Variants in GRM7 observed in about 807,000 individuals in gnomAD.
GRM7 encodes metabotropic glutamate receptor 7.
In GRM7, 35 loss-of-function variants were observed where a neutral mutation model predicts 84.5. The ratio of observed to expected loss-of-function variants is 0.41; its 90% CI spans 0.32 to 0.55. GRM7 has a LOEUF of 0.55. GRM7 is among the 20% of genes least tolerant of loss of function. The pLI is 0.19. For synonymous variants in GRM7, 487 were observed against 455.1 expected, an observed-to-expected ratio of 1.07 and a Z score of -0.89; for missense variants, 1,003 against 1,194.6, an observed-to-expected ratio of 0.84 and a Z score of 2.36.
Position 7,151,776 on chromosome 3 carries a change from C to G in GRM7, c.736+5108C>G, listed in dbSNP as rs1694295745. 6.6e-6 allele frequency among the ~76,000 whole-genome samples: 1 copy of G among 152,100 alleles called. No homozygotes were observed. The highest frequency in any genetic ancestry group is 6.6e-5 in the Admixed American group (1 of 15,260). On this transcript the variant is annotated intron_variant, in intron 2 of 9. Coordinates refer to ENST00000357716, the MANE Select transcript of GRM7 (RefSeq NM_000844.4). This position sits in a 1 kb window ranked among gnomAD's most constrained non-coding sequence, Gnocchi z 4.5. The stretch of plus-strand genomic sequence containing the variant: ...GGCCATAAAATACTACATCCTAGAT[C>G]TGCTTGCTGTGGTTTAGTACAGTTG...
At chr3:7,611,704 T>C (rs898112564) in intron 8 of GRM7, among the ~76,000 whole-genome samples, 7 of 152,008 alleles carry the variant, frequency 4.6e-5, no homozygotes, top group African/African-American at 1.7e-4. Flanking sequence ...ACTGGGAGCA[T>C]TGTAGAAATG....
chr3:7,118,212 C>T (rs1336654016), intron 1 of GRM7, among the ~76,000 whole-genome samples: 1 of 151,640 alleles, frequency 6.6e-6, no homozygotes, highest in Non-Finnish European at 1.5e-5. Context: ...ATAGTGAGAC[C>T]CTGTCTCTAC....
At chr3:7,037,331 A>C (rs918106631) in intron 1 of GRM7, among the ~76,000 whole-genome samples, 14 of 152,200 alleles carry the variant, frequency 9.2e-5, no homozygotes, top group Non-Finnish European at 1.5e-4. Context: ...CAAAGTTAGG[A>C]AAGAATCAGG....
At chr3:7,584,094 C>A (rs1037245655) in intron 8 of GRM7, among the ~76,000 whole-genome samples, 1 of 152,114 alleles carries the variant, frequency 6.6e-6, no homozygotes, top group Non-Finnish European at 1.5e-5. Flanking sequence ...AGTGGCATGA[C>A]AATGTAGTAA....
At chr3:7,320,613 C>T (rs1231743477) in intron 4 of GRM7, among the ~76,000 whole-genome samples, 1 of 151,078 alleles carries the variant, frequency 6.6e-6, no homozygotes, top group Non-Finnish European at 1.5e-5. Flanking sequence ...CCTGCTTCTT[C>T]TGTTTCCTCA....
chr3:6,928,481 ATAT>A lies in GRM7; in HGVS notation c.519+66579_519+66581del, dbSNP rs1222582501. 6.6e-6 allele frequency among the ~76,000 whole-genome samples: 1 copy of A among 152,298 alleles called. No individual in the cohort carries two copies. Among genetic ancestry groups the A allele is most frequent in the East Asian group, 1.9e-4 (1 of 5,180 alleles). The stretch of plus-strand genomic sequence containing the variant: ...GTGAAAGTCATTATGCAAATGATAA[ATAT>A]TATTTATTATTAAGTATAATTAATA... On this transcript the variant is annotated intron_variant, in intron 1 of 9. Coordinates refer to ENST00000357716, the MANE Select transcript of GRM7 (RefSeq NM_000844.4). This position sits in a 1 kb window ranked among gnomAD's most constrained non-coding sequence, Gnocchi z 4.5.
Position 7,572,492 on chromosome 3 carries a change from A to G in GRM7, c.1516-5930A>G, listed in dbSNP as rs116322479. On this transcript the variant is annotated intron_variant, in intron 7 of 9. Transcript: ENST00000357716. ...GTGAAATACAGTTCTGGATCCTTCT[A>G]TGGATGCCCAGGGTCTACTGCAGTT... Among the ~76,000 whole-genome samples the G allele has an allele frequency of 4.1e-3, 625 of 152,028 alleles. 5 individuals carry two copies. The highest frequency in any genetic ancestry group is 0.014 in the African/African-American group (598 of 41,456).
In GRM7 at chr3:7,485,504, C is replaced by G. The variant is rs373206152; in HGVS notation, c.1515+23782C>G. On this transcript the variant is annotated intron_variant, in intron 7 of 9. Coordinates refer to ENST00000357716, the MANE Select transcript of GRM7 (RefSeq NM_000844.4). ...TGGGAGATAGATCTGTTGATAATAG[C>G]TTTATTCTGTCATTCACGTTATACA... 1.2e-4 allele frequency among the ~76,000 whole-genome samples: 19 copies of G among 152,294 alleles called. No homozygotes were observed. In the East Asian group the frequency reaches 2.3e-3, roughly 19 times the overall value.
intron 1 of GRM7, among the ~76,000 whole-genome samples, chr3:6,914,220 T>A (rs913172919): frequency 6.6e-6 from 1 of 152,218 alleles, no homozygotes; most frequent in Non-Finnish European, 1.5e-5. Flanking sequence ...AGTAGGTTCA[T>A]AAGTTGCTTC....
intron 1 of GRM7, among the ~76,000 whole-genome samples, chr3:7,041,150 A>G (rs1333454479): frequency 6.6e-6 from 1 of 152,044 alleles, no homozygotes; most frequent in Non-Finnish European, 1.5e-5. Context: ...TATCAAGTCC[A>G]CATAAAATTA....
chr3:7,417,809 T>C (rs917265659), intron 5 of GRM7, among the ~76,000 whole-genome samples: 7 of 152,088 alleles, frequency 4.6e-5, no homozygotes, highest in Admixed American at 4.6e-4. Flanking sequence ...TCCTTAGCCA[T>C]ACTAAACAAT....
chr3:6,891,097 C>G (rs1452112633), intron 1 of GRM7, among the ~76,000 whole-genome samples: 1 of 152,166 alleles, frequency 6.6e-6, no homozygotes, highest in African/African-American at 2.4e-5. Context: ...AGATCTTCCT[C>G]CATCCTTTTA....
intron 1 of GRM7, among the ~76,000 whole-genome samples, chr3:7,052,382 T>A (rs1697040077): frequency 6.6e-6 from 1 of 151,726 alleles, no homozygotes; most frequent in African/African-American, 2.4e-5. Flanking sequence ...TTTTTTCTTC[T>A]GTTTTTGTTA....
intron 2 of GRM7, among the ~76,000 whole-genome samples, chr3:7,182,542 G>A (rs1559489369): frequency 6.6e-6 from 1 of 152,138 alleles, no homozygotes; most frequent in Admixed American, 6.6e-5. Flanking sequence ...AGTAAATCTA[G>A]CAGTTTATGT....
At chr3:7,261,128 T>A (rs538428773) in intron 2 of GRM7, among the ~76,000 whole-genome samples, 1 of 152,240 alleles carries the variant, frequency 6.6e-6, no homozygotes, top group South Asian at 2.1e-4. Context: ...TTTCCCAGCT[T>A]CCAGGGTGTC....
At chr3:7,527,297 G>A (rs531841450) in intron 7 of GRM7, among the ~76,000 whole-genome samples, 1 of 151,968 alleles carries the variant, frequency 6.6e-6, no homozygotes, top group Non-Finnish European at 1.5e-5. Context: ...TTGTAAATGG[G>A]ATTATATTCT....
At chr3:7,371,049 A>AT (rs899020116) in intron 4 of GRM7, among the ~76,000 whole-genome samples, 2 of 152,092 alleles carry the variant, frequency 1.3e-5, no homozygotes, top group African/African-American at 4.8e-5. Flanking sequence ...TATTTTCAGT[A>AT]TTTTTTCTTT....
intron 9 of GRM7, among the ~76,000 whole-genome samples, chr3:7,723,866 T>TA (rs746311464): frequency 1.3e-5 from 2 of 151,994 alleles, no homozygotes; most frequent in Non-Finnish European, 1.5e-5. Context: ...ATTTTTTTAA[T>TA]AAAAAATAAG....
intron 7 of GRM7, among the ~76,000 whole-genome samples, chr3:7,501,191 A>G (rs1699871258): frequency 6.6e-6 from 1 of 152,230 alleles, no homozygotes; most frequent in South Asian, 2.1e-4. Context: ...ACAAGCCCAT[A>G]AAGTAGATAA....
Sources: gnomAD v4.1 joint callset for allele counts (sites outside exome capture counted in the v4.1 genomes callset) on GRCh38, gnomAD v4.1.1 for gene constraint, Gnocchi (gnomAD v3.1) non-coding constraint, MANE v1.5 for transcripts, NCBI Gene and HGNC (gene_info 2026-07-23, HGNC 2026-07-21) for gene names.